The following THRB variants were observed in gnomAD, a reference collection of about 807,000 sequenced individuals.
THRB encodes the protein thyroid hormone receptor beta.
In THRB, 12 loss-of-function variants were observed where a neutral mutation model predicts 47.8. The observed-to-expected ratio is 0.25, with a 90% CI of 0.16 to 0.41. The LOEUF (loss-of-function observed/expected upper bound fraction) is 0.41. Among genes scored for constraint, THRB ranks in the 10% least tolerant of loss-of-function variants. THRB has a pLI of 1.00. For missense variants in THRB, 348 were observed against 589.2 expected (o/e 0.59, Z 4.24); for synonymous variants, 218 against 212.2 (o/e 1.03, Z -0.24).
chr3:24,264,805 A>AC (rs1168900478), intron 3 of THRB, among the ~76,000 whole-genome samples: 3 of 151,848 alleles, frequency 2.0e-5, no homozygotes, highest in Non-Finnish European at 2.9e-5. Context: ...CAAAAAAAAA[A>AC]AAACTGGACT....
At chr3:24,410,031 A>G (rs1312892915) in intron 1 of THRB, among the ~76,000 whole-genome samples, 1 of 151,888 alleles carries the variant, frequency 6.6e-6, no homozygotes, top group African/African-American at 2.4e-5. Flanking sequence ...TTGCATTTTG[A>G]TGAATACATT....
rs373664380 is a variant in THRB, at chr3:24,122,914, G to A, written c.1356C>T (p.Pro452=). ...CCTCGAACACTTCCAAGAACAAAGGGGGGAAGAGTTCTGTGGGGCATTCCA... is the reference window on the plus strand; with the variant it reads ...CCTCGAACACTTCCAAGAACAAAGGAGGGAAGAGTTCTGTGGGGCATTCCA... ...MKVECPTELF[P]PLFLEVFED The change falls in exon 11 of 11, where the codon CCC becomes CCT. Residue 452 remains proline (P), a synonymous_variant. Coordinates refer to ENST00000646209, the MANE Select transcript of THRB (RefSeq NM_001354712.2). The A allele has an allele frequency of 2.6e-5, 42 of 1,614,070 alleles. No individual in the cohort carries two copies. In the African/African-American group the frequency reaches 4.8e-4, roughly 18 times the overall value.
chr3:24,485,966 A>G (rs540061947), intron 1 of THRB, among the ~76,000 whole-genome samples: 201 of 152,312 alleles, frequency 1.3e-3, no homozygotes, highest in African/African-American at 3.9e-3. Flanking sequence ...AACTGAACAC[A>G]TGCAATGAAG....
At chr3:24,197,868 G>C (rs2044137516) in intron 4 of THRB, among the ~76,000 whole-genome samples, 2 of 152,224 alleles carry the variant, frequency 1.3e-5, no homozygotes, top group Admixed American at 1.3e-4. Context: ...CAGCTAGATG[G>C]CTTTATTCTT....
chr3:24,151,551 C>G (rs1224284345), intron 6 of THRB, among the ~76,000 whole-genome samples: 1 of 152,046 alleles, frequency 6.6e-6, no homozygotes, highest in Non-Finnish European at 1.5e-5. Context: ...AAAGTCCTTC[C>G]CTGACTTTAA....
At chr3:24,417,350 C>T (rs1405168434) in intron 1 of THRB, among the ~76,000 whole-genome samples, 1 of 151,894 alleles carries the variant, frequency 6.6e-6, no homozygotes, top group Non-Finnish European at 1.5e-5. Flanking sequence ...GCTTCTAATT[C>T]CAGAACTCCC....
chr3:24,375,402 CAT>C (rs71624327), intron 1 of THRB, among the ~76,000 whole-genome samples: 15,135 of 139,436 alleles, frequency 0.11, 1,125 homozygotes, highest in Admixed American at 0.18. Flanking sequence ...TATAGTTAGA[CAT>C]ATAATATTAA....
chr3:24,368,469 T>A (rs1038195311), intron 1 of THRB, among the ~76,000 whole-genome samples: 1 of 152,146 alleles, frequency 6.6e-6, no homozygotes, highest in Non-Finnish European at 1.5e-5. Flanking sequence ...AAATTAATGT[T>A]AGATACAAAG....
At chr3:24,233,567 G>GAAAAA (rs71057659) in intron 3 of THRB, among the ~76,000 whole-genome samples, 1 of 135,622 alleles carries the variant, frequency 7.4e-6, no homozygotes, top group African/African-American at 2.8e-5. Flanking sequence ...AAGGAAGAAA[G>GAAAAA]AAAGAAAGAA....
chr3:24,319,992 G>A (rs1022483927), intron 2 of THRB, among the ~76,000 whole-genome samples: 2 of 152,188 alleles, frequency 1.3e-5, no homozygotes, highest in African/African-American at 4.8e-5. Context: ...CCCTTTTGGG[G>A]ATGAGTGGAC....
Position 24,133,398 on chromosome 3 carries a change from G to C in THRB, c.803C>G (p.Ala268Gly), listed in dbSNP as rs750905761. 6.2e-7 allele frequency: 1 copy of C among 1,614,092 alleles called. No individual in the cohort carries two copies. Reference protein sequence around the residue: ...APEGGKVDLEAFSHFTKIITP... With the variant: ...APEGGKVDLEGFSHFTKIITP... ...GATGATTTTTGTAAAATGGCTGAAG[G>C]CTTCCAAGTCAACCTTTCCACCTTC... Residue 268 changes from alanine (A) to glycine (G), a missense_variant, in exon 9 of 11, where the codon GCC becomes GGC. Ala to Gly is a moderately conservative substitution (Grantham distance 60, BLOSUM62 0). Transcript: ENST00000646209.
At chr3:24,349,249 T>G (rs2063212826) in intron 1 of THRB, among the ~76,000 whole-genome samples, 1 of 152,092 alleles carries the variant, frequency 6.6e-6, no homozygotes, top group African/African-American at 2.4e-5. Flanking sequence ...GCCTCAATAT[T>G]GTAAAATGTC....
At chr3:24,244,443 C>A (rs906776829) in intron 3 of THRB, among the ~76,000 whole-genome samples, 1 of 152,152 alleles carries the variant, frequency 6.6e-6, no homozygotes, top group Non-Finnish European at 1.5e-5. Flanking sequence ...CCAGAGACAT[C>A]TATTTATTGG....
intron 5 of THRB, among the ~76,000 whole-genome samples, chr3:24,172,220 A>C (rs1160858914): frequency 6.6e-6 from 1 of 152,184 alleles, no homozygotes; most frequent in East Asian, 1.9e-4. Flanking sequence ...GCACGGATAC[A>C]TAACAGTGCA....
In THRB at chr3:24,123,078, T is replaced by C. The variant is rs1318079339; in HGVS notation, c.1192A>G (p.Ser398Gly). Residue 398 changes from serine to glycine, a missense_variant, in exon 11 of 11, where the codon AGT (serine) becomes GGT (glycine). Ser to Gly is a moderately conservative substitution (Grantham distance 56). Around this residue, in one of 5 missense-constraint regions of THRB, gnomAD observed 36 missense variants for 51.7 expected, o/e 0.70. Coordinates refer to ENST00000646209, the MANE Select transcript of THRB (RefSeq NM_001354712.2). The part of the protein sequence containing the change: ...CVERIEKYQD[S>G]FLLAFEHYIN... Reference sequence around the variant, plus strand: ...TAGTGTTCAAAGGCCAGCAGGAAACTATCTTGGTACTTTTCTATTCTCTCA... The same window carrying C: ...TAGTGTTCAAAGGCCAGCAGGAAACCATCTTGGTACTTTTCTATTCTCTCA... 1 of 1,614,214 alleles carries C rather than the reference T, an allele frequency of 6.2e-7. No homozygotes were observed. Among genetic ancestry groups the C allele is most frequent in the Non-Finnish European group, 8.5e-7 (1 of 1,180,032 alleles).
chr3:24,236,019 G>T (rs534418730), intron 3 of THRB, among the ~76,000 whole-genome samples: 1 of 152,298 alleles, frequency 6.6e-6, no homozygotes, highest in East Asian at 1.9e-4. Flanking sequence ...GCATCTGGAA[G>T]CACAGCTGAA....
rs534745034 is a variant in THRB, at chr3:24,260,334, A to G, written c.-42-31333T>C. ...ACTCTGGACTCATGAGCTGTGTGGC[A>G]GCCCCAAGACTGTAGACATGACTCT... On this transcript the variant is annotated intron_variant, in intron 3 of 10. Coordinates refer to ENST00000646209, the MANE Select transcript of THRB (RefSeq NM_001354712.2). Among the ~76,000 whole-genome samples the G allele has an allele frequency of 1.2e-4, 18 of 152,288 alleles. No individual in the cohort carries two copies. The East Asian group carries it at 3.3e-3, about 28-fold the overall frequency.
rs114340147 is a variant in THRB at position 24,330,449 on chromosome 3, A to G, written c.-189+6851T>C. Among the ~76,000 whole-genome samples the G allele has an allele frequency of 5.6e-3, 847 of 152,316 alleles. 11 individuals carry two copies. The highest frequency in any genetic ancestry group is 0.02 in the African/African-American group (811 of 41,564). On this transcript the variant is annotated intron_variant, in intron 2 of 10. Coordinates refer to ENST00000646209, the MANE Select transcript of THRB (RefSeq NM_001354712.2). ...AGGTATATAAAACAATATTACAGAC[A>G]CCCATGTACCCACCATTCAGATCTG...
At position 24,220,802 on chromosome 3, in the gene THRB, GA is replaced by G. The variant is rs10633175; in HGVS notation, c.22+8135del. On this transcript the variant is annotated intron_variant, in intron 4 of 10. Transcript: ENST00000646209. ...GAACTTCAGTCAAGGTTAAACAAAA[GA>G]AAAAAAAAAAAAGAAAGAAACATAA... is the stretch of plus-strand genomic sequence containing the variant. 3.6e-3 allele frequency among the ~76,000 whole-genome samples: 508 copies of G among 142,960 alleles called. 3 individuals carry two copies. The highest frequency in any genetic ancestry group is 9.9e-3 in the African/African-American group (386 of 39,126). The allele number at this position is 142,960 out of a possible 152,430, so 93.8% of individuals were successfully genotyped here.
Sources: allele counts gnomAD v4.1 joint callset (sites outside exome capture counted in the v4.1 genomes callset), GRCh38; gene constraint gnomAD v4.1.1; regional missense constraint gnomAD v4.1.1; transcripts MANE v1.5; gene names NCBI Gene and HGNC (gene_info 2026-07-23, HGNC 2026-07-21).